Variants in KLHL32 observed in about 807,000 individuals in gnomAD.
KLHL32 encodes kelch-like protein 32.
A neutral mutation model predicts 64.8 loss-of-function variants in KLHL32; 35 were observed. The observed-to-expected ratio is 0.54, with a 90% CI of 0.41 to 0.72. KLHL32 has a LOEUF of 0.72. Among genes scored for constraint, KLHL32 ranks in the 30% least tolerant of loss-of-function variants. KLHL32 has a pLI of 0.00. For synonymous variants in KLHL32, 259 were observed against 281.0 expected, an observed-to-expected ratio of 0.92 and a Z score of 0.78; for missense variants, 589 against 768.5, an observed-to-expected ratio of 0.77 and a Z score of 2.76.
chr6:96,914,322 T>G, the KLHL32 span, among the ~76,000 whole-genome samples: 1 of 152,156 alleles, frequency 6.6e-6, no homozygotes, highest in South Asian at 2.1e-4. Flanking sequence ...GACAGGAAAC[T>G]AATACCAAAA....
intron 4 of KLHL32, among the ~76,000 whole-genome samples, chr6:97,055,167 CCT>C (rs1787597737): frequency 6.6e-6 from 1 of 152,060 alleles, no homozygotes. Context: ...AGTTTCTCAC[CCT>C]CTCTCTTCTC....
Position 97,112,835 on chromosome 6 carries a change from T to G in KLHL32, c.628-948T>G, listed in dbSNP as rs938020660. On this transcript the variant is annotated intron_variant, in intron 6 of 10. Transcript: ENST00000369261. ...TCATAAATAACAAAATGAAACAATA[T>G]TCTTTATTATTTAATAATAAATATA... Among the ~76,000 whole-genome samples the G allele has an allele frequency of 7.4e-5, 11 of 149,550 alleles. No homozygotes were observed. In the South Asian group the frequency reaches 8.3e-4, roughly 11 times the overall value.
At chr6:96,990,540 T>C (rs557444927) in intron 3 of KLHL32, among the ~76,000 whole-genome samples, 4 of 152,300 alleles carry the variant, frequency 2.6e-5, no homozygotes, top group African/African-American at 9.6e-5. Context: ...AGATCTTGGA[T>C]TGGCACTCCC....
chr6:97,080,596 G>C (rs915233204), intron 5 of KLHL32, among the ~76,000 whole-genome samples: 1 of 152,192 alleles, frequency 6.6e-6, no homozygotes, highest in Non-Finnish European at 1.5e-5. Context: ...TACACAGGAA[G>C]AGGTGGTCAA....
chr6:97,135,565 TGGGATTAC>T (rs1320381586), intron 10 of KLHL32, among the ~76,000 whole-genome samples: 1 of 152,150 alleles, frequency 6.6e-6, no homozygotes, highest in Non-Finnish European at 1.5e-5. Flanking sequence ...CCCAAAGTGC[TGGGATTAC>T]AGGCGTGAGC....
At chr6:96,957,186 A>G (rs943210042) in intron 1 of KLHL32, among the ~76,000 whole-genome samples, 3 of 152,156 alleles carry the variant, frequency 2.0e-5, no homozygotes, top group Non-Finnish European at 4.4e-5. Flanking sequence ...TGATGAATGA[A>G]CAGTCTATAT....
chr6:96,941,212 G>A (rs1346377252), intron 1 of KLHL32, among the ~76,000 whole-genome samples: 3 of 152,064 alleles, frequency 2.0e-5, no homozygotes, highest in African/African-American at 4.8e-5. Context: ...TCTATGATTC[G>A]CCTGTTCAAG....
At chr6:96,933,866 A>C (rs1360861903) in intron 1 of KLHL32, among the ~76,000 whole-genome samples, 2 of 152,200 alleles carry the variant, frequency 1.3e-5, no homozygotes, top group Non-Finnish European at 2.9e-5. Flanking sequence ...TGTGGATTAC[A>C]GTTAGGCTAG....
chr6:97,121,813 T>G (rs2128216795), intron 7 of KLHL32, among the ~76,000 whole-genome samples: 1 of 152,312 alleles, frequency 6.6e-6, no homozygotes, highest in Non-Finnish European at 1.5e-5. Context: ...ATCATTTGCT[T>G]TATTCCCAAG....
intron 1 of KLHL32, among the ~76,000 whole-genome samples, chr6:96,959,466 G>A (rs1773652255): frequency 6.6e-6 from 1 of 152,140 alleles, no homozygotes; most frequent in African/African-American, 2.4e-5. Flanking sequence ...TCTCTCTTTG[G>A]CTTACAGTTG....
chr6:96,999,750 C>T (rs1283763614), intron 3 of KLHL32, among the ~76,000 whole-genome samples: 3 of 152,076 alleles, frequency 2.0e-5, no homozygotes, highest in East Asian at 1.9e-4. Flanking sequence ...GCTATTGGTA[C>T]TTCCTGAATA....
chr6:96,985,490 T>A (rs991556970), intron 3 of KLHL32, among the ~76,000 whole-genome samples: 2 of 152,226 alleles, frequency 1.3e-5, no homozygotes, highest in Admixed American at 6.5e-5. Flanking sequence ...TCCATTCTCT[T>A]CGTCACTTTC....
chr6:97,098,751 C>T (rs1359637339), intron 6 of KLHL32, among the ~76,000 whole-genome samples: 1 of 152,176 alleles, frequency 6.6e-6, no homozygotes, highest in Non-Finnish European at 1.5e-5. Flanking sequence ...AGATTCCTCA[C>T]TGCAGTACAC....
chr6:97,067,833 C>A (rs767010601), intron 5 of KLHL32, among the ~76,000 whole-genome samples: 1 of 152,182 alleles, frequency 6.6e-6, no homozygotes, highest in African/African-American at 2.4e-5. Context: ...CTGGCTTCAT[C>A]TCCAGCCACT....
chr6:96,957,169 A>G (rs1373290696), intron 1 of KLHL32, among the ~76,000 whole-genome samples: 1 of 152,212 alleles, frequency 6.6e-6, no homozygotes, highest in Non-Finnish European at 1.5e-5. Context: ...AGCGCTTAGC[A>G]CATATTTGAT....
At chr6:96,984,073 T>C (rs1010266806) in intron 3 of KLHL32, among the ~76,000 whole-genome samples, 4 of 152,226 alleles carry the variant, frequency 2.6e-5, no homozygotes, top group Non-Finnish European at 5.9e-5. Flanking sequence ...GATCCTGATA[T>C]GTTGTGTCTT....
At chr6:97,032,614 C>A (rs111996868) in intron 3 of KLHL32, among the ~76,000 whole-genome samples, 2 of 152,208 alleles carry the variant, frequency 1.3e-5, no homozygotes, top group African/African-American at 4.8e-5. Flanking sequence ...TATTTTGAGT[C>A]CTGCTGTATA....
chr6:96,913,143 A>G, the KLHL32 span, among the ~76,000 whole-genome samples: 1 of 152,238 alleles, frequency 6.6e-6, no homozygotes, highest in East Asian at 1.9e-4. Context: ...ATTAGAAAGG[A>G]CTATTAATGA....
At chr6:96,951,857 T>TTC (rs144716384) in intron 1 of KLHL32, among the ~76,000 whole-genome samples, 2,117 of 152,324 alleles carry the variant, frequency 0.014, 16 homozygotes, top group Middle Eastern at 0.031. Flanking sequence ...TTTTAGCTGT[T>TTC]TCTTTAGATA....
Sources: allele counts gnomAD v4.1 joint callset (sites outside exome capture counted in the v4.1 genomes callset), GRCh38; gene constraint gnomAD v4.1.1; transcripts MANE v1.5; gene names NCBI Gene and HGNC (gene_info 2026-07-23, HGNC 2026-07-21).